RYR1: variants seen among roughly 807,000 people sequenced by gnomAD.
The protein encoded by RYR1 is central core disease of muscle.
Under a neutral mutation model 583.5 loss-of-function variants are expected in RYR1, and 342 were observed. That is an observed-to-expected ratio of 0.59 (90% CI 0.54 to 0.64). The LOEUF (loss-of-function observed/expected upper bound fraction) is 0.64, where lower values mean the gene tolerates loss of function less well. Among genes scored for constraint, RYR1 ranks in the 30% least tolerant of loss-of-function variants. RYR1 has a pLI of 0.00. For synonymous variants in RYR1, 2,791 were observed against 2,822.5 expected (o/e 0.99, Z 0.35); for missense variants, 6,032 against 6,917.2 (o/e 0.87, Z 4.54).
chr19:38,519,963 C>A (rs1407299210), intron 67 of RYR1, among the ~76,000 whole-genome samples: 1 of 151,978 alleles, frequency 6.6e-6, no homozygotes, highest in Non-Finnish European at 1.5e-5. Flanking sequence ...AGCTGTGAGC[C>A]AATGCAGCTG....
intron 104 of RYR1, 70 bp from the exon 105 acceptor site, chr19:38,586,455 T>C (rs1451861216): frequency 6.7e-7 from 1 of 1,484,278 alleles, no homozygotes; most frequent in South Asian, 1.1e-5. Flanking sequence ...ACTTCCTCTC[T>C]ACTATAAATG....
At chr19:38,439,002 G>T (rs112142943) in intron 1 of RYR1, among the ~76,000 whole-genome samples, 1 of 151,718 alleles carries the variant, frequency 6.6e-6, no homozygotes, top group African/African-American at 2.4e-5. Flanking sequence ...GTGAACCACC[G>T]CGTCCAGCCA....
intron 66 of RYR1, among the ~76,000 whole-genome samples, chr19:38,518,132 A>G (rs1971057105): frequency 6.6e-6 from 1 of 152,020 alleles, no homozygotes; most frequent in African/African-American, 2.4e-5. Context: ...ACAAACAAAC[A>G]AAACAAAAGG....
At chr19:38,509,447 A>ATTTT (rs1439875376) in intron 58 of RYR1, among the ~76,000 whole-genome samples, 7 of 120,970 alleles carry the variant, frequency 5.8e-5, no homozygotes, top group East Asian at 2.3e-4. Context: ...TATTATTATT[A>ATTTT]TTATTTTTTT....
chr19:38,480,298 A>G (rs1968943927), intron 31 of RYR1, among the ~76,000 whole-genome samples: 1 of 151,524 alleles, frequency 6.6e-6, no homozygotes, highest in Non-Finnish European at 1.5e-5. Context: ...ATGCACCACC[A>G]TGCCTGGCTA....
Position 38,523,927 on chromosome 19 carries a change from C to A in RYR1, c.10453C>A (p.Gln3485Lys). The A allele has an allele frequency of 1.9e-6, 3 of 1,613,974 alleles. No individual in the cohort carries two copies. Among genetic ancestry groups the A allele is most frequent in the Non-Finnish European group, 2.5e-6 (3 of 1,179,986 alleles). ...TCCGGTGAAGCAGGCGGGAGATATACAGGTCAGCCCCACATCTGGGACCTT... is the reference window on the plus strand; with the variant it reads ...TCCGGTGAAGCAGGCGGGAGATATAAAGGTCAGCCCCACATCTGGGACCTT... ...KSKMAKAGDI[Q>K]SGGSDQERTK... Residue 3485 changes from glutamine (Q) to lysine (K), a missense_variant and splice_region_variant, in exon 70 of 106, where the codon CAG (glutamine) becomes AAG (lysine). Transcript: ENST00000359596.
chr19:38,577,812 C>G, intron 97 of RYR1, 106 bp from the exon 98 acceptor site: 2 of 1,485,478 alleles, frequency 1.3e-6, no homozygotes, highest in Non-Finnish European at 1.8e-6. Context: ...AAATGCACCT[C>G]CCATTTCTCA....
chr19:38,546,238 G>A (rs1038141893), intron 87 of RYR1, among the ~76,000 whole-genome samples: 3 of 151,436 alleles, frequency 2.0e-5, no homozygotes, highest in African/African-American at 4.9e-5. Context: ...TATCGAGCCC[G>A]TCCCCCAAGT....
chr19:38,445,114 A>G (rs888928439), intron 7 of RYR1, among the ~76,000 whole-genome samples: 1 of 143,244 alleles, frequency 7.0e-6, no homozygotes, highest in Non-Finnish European at 1.5e-5. Flanking sequence ...AAATTATCTG[A>G]GTGTGGTGGC....
chr19:38,501,266 G>A (rs1013420795), intron 47 of RYR1, among the ~76,000 whole-genome samples: 10 of 152,192 alleles, frequency 6.6e-5, no homozygotes, highest in Non-Finnish European at 8.8e-5. Context: ...TTGGGGAGCC[G>A]AGGCGAGCGG....
chr19:38,452,026 C>T (rs1723866841), intron 12 of RYR1, 141 bp downstream of exon 12: 1 of 1,183,988 alleles, frequency 8.4e-7, no homozygotes, highest in Admixed American at 2.0e-5. Flanking sequence ...CAGTGGCTCA[C>T]ACCTGTAATC....
chr19:38,489,071 A>T, intron 34 of RYR1, 106 bp from the exon 35 acceptor site: 1 of 987,156 alleles, frequency 1.0e-6, no homozygotes. Context: ...CAGCCAATGC[A>T]GGAATGATTG....
chr19:38,477,706 C>T lies in RYR1; in HGVS notation c.4294-4C>T, dbSNP rs368108496. 2.8e-4 allele frequency: 444 copies of T among 1,614,010 alleles called. No individual in the cohort carries two copies. The highest frequency in any genetic ancestry group is 3.6e-4 in the South Asian group (33 of 91,076). Reference sequence around the variant, plus strand: ...ACCACTAGTTCCCCTCCTTGTGTCACCAGTACTATTACTCCGTGAGGGTCT... The same window carrying T: ...ACCACTAGTTCCCCTCCTTGTGTCATCAGTACTATTACTCCGTGAGGGTCT... On this transcript the variant is annotated splice_polypyrimidine_tract_variant and splice_region_variant and intron_variant, in intron 29 of 105. Coordinates refer to ENST00000359596, the MANE Select transcript of RYR1 (RefSeq NM_000540.3).
In RYR1 at chr19:38,475,467, C is replaced by G; in HGVS notation, c.4293+17C>G. The stretch of plus-strand genomic sequence containing the variant: ...ACCACCACGGTGTGGACCAGTAACC[C>G]TCAATTTTGGGGTCCCCCCGCATAG... On this transcript the variant is annotated intron_variant, in intron 29 of 105. Coordinates refer to ENST00000359596, the MANE Select transcript of RYR1 (RefSeq NM_000540.3). 6.2e-7 allele frequency: 1 copy of G among 1,613,118 alleles called. No individual in the cohort carries two copies.
Position 38,543,234 on chromosome 19 carries a change from TG to T in RYR1, c.11690-111del, listed in dbSNP as rs1972275449. 9.5e-5 allele frequency: 83 copies of T among 878,128 alleles called. 4 individuals are homozygous for T. The South Asian group carries it at 1.0e-3, about 11-fold the overall frequency. The allele number at this position is 878,128 out of a possible 1,614,324, so 54.4% of individuals were successfully genotyped here. On this transcript the variant is annotated intron_variant, in intron 84 of 105. Transcript: ENST00000359596. The surrounding 1 kb of genome is among the most constrained non-coding windows in gnomAD (Gnocchi z 4.4). Reference sequence around the variant, plus strand: ...AATAAATTGATGATGATATGCTTTCTGGCATACAATAGGAACTCAACACATG... The same window carrying T: ...AATAAATTGATGATGATATGCTTTCTGCATACAATAGGAACTCAACACATG...
chr19:38,532,422 C>A (rs1971777905), intron 76 of RYR1, 68 bp from the exon 77 acceptor site: 2 of 1,534,578 alleles, frequency 1.3e-6, no homozygotes, highest in Non-Finnish European at 9.0e-7. Flanking sequence ...CGCACCCTGC[C>A]CAGAAGCTCT....
Position 38,586,110 on chromosome 19 carries a change from G to GA in RYR1, c.14890dup (p.Ile4964AsnfsTer4), listed in dbSNP as rs1188152138. Reference sequence around the variant, plus strand: ...TCACAGACCAAGTGCTTCATCTGTGGAATCGGCAGTGACTACTTTGATACG... The same window carrying GA: ...TCACAGACCAAGTGCTTCATCTGTGGAAATCGGCAGTGACTACTTTGATACG... On this transcript the variant is annotated frameshift_variant, in exon 104 of 106. Transcript: ENST00000359596. LOFTEE classifies it high-confidence loss of function. 1 of 1,614,154 alleles carries GA rather than the reference G, an allele frequency of 6.2e-7. No individual in the cohort carries two copies.
rs1275440114 is a variant in RYR1, at chr19:38,502,734, CGGGGCAGGCTTCAGGGT to C, written c.7835+16_7835+32del. On this transcript the variant is annotated splice_region_variant and intron_variant, in intron 48 of 105. Transcript: ENST00000359596. The stretch of plus-strand genomic sequence containing the variant: ...GCCTCATGTCGCTCTGCAGGTGGAG[CGGGGCAGGCTTCAGGGT>C]GGGGCAGGGGCAGGGGCAGGGGCAG... The C allele has an allele frequency of 1.6e-6, 2 of 1,264,710 alleles. No individual in the cohort carries two copies. Among genetic ancestry groups the C allele is most frequent in the Non-Finnish European group, 1.1e-6 (1 of 930,570 alleles). The allele number at this position is 1,264,710 out of a possible 1,614,324, so 78.3% of individuals were successfully genotyped here. A position where few individuals can be genotyped will look rare whatever the true frequency, so the allele number is the denominator to read the frequency against.
chr19:38,525,582 C>T (rs1490589748), intron 71 of RYR1, 80 bp downstream of exon 71: 39 of 1,446,284 alleles, frequency 2.7e-5, no homozygotes, highest in Non-Finnish European at 3.4e-5. Flanking sequence ...TAGGGAACAA[C>T]CACAATGCCA....
Sources: gnomAD v4.1 joint callset for allele counts (sites outside exome capture counted in the v4.1 genomes callset) on GRCh38, gnomAD v4.1.1 for gene constraint, Gnocchi (gnomAD v3.1) non-coding constraint, MANE v1.5 for transcripts, NCBI Gene and HGNC (gene_info 2026-07-23, HGNC 2026-07-21) for gene names.